USP13: variants seen among roughly 807,000 people sequenced by gnomAD.
The protein encoded by USP13 is ubiquitin carboxyl-terminal hydrolase 13.
A neutral mutation model predicts 107.8 loss-of-function variants in USP13; 68 were observed. That is an observed-to-expected ratio of 0.63 (90% confidence interval 0.52 to 0.77). The LOEUF (loss-of-function observed/expected upper bound fraction) is 0.77. USP13 is among the 30% of genes least tolerant of loss of function. The pLI is 0.00. For synonymous variants in USP13, 377 were observed against 389.5 expected, an observed-to-expected ratio of 0.97 and a Z score of 0.38; for missense variants, 945 against 1,093.3, an observed-to-expected ratio of 0.86 and a Z score of 1.91.
At chr3:179,780,234 A>G (rs939832372) in intron 19 of USP13, among the ~76,000 whole-genome samples, 5 of 152,230 alleles carry the variant, frequency 3.3e-5, no homozygotes, top group African/African-American at 9.6e-5. Context: ...TAGCCATTGC[A>G]GTTAGGCAAG....
At position 179,653,298 on chromosome 3, in the gene USP13, G is replaced by T; in HGVS notation, c.73G>T (p.Gly25Cys). 1.3e-6 allele frequency: 2 copies of T among 1,574,708 alleles called. No homozygotes were observed. The highest frequency in any genetic ancestry group is 1.7e-6 in the Non-Finnish European group (2 of 1,160,868). ...GGRKMAAGDI[G>C]ELLVPHMPTI... ...CAGGAAGATGGCTGCAGGAGACATC[G>T]GCGAGCTGCTAGTGCCCCACATGCC... Residue 25 changes from glycine (G) to cysteine (C), a missense_variant, in exon 1 of 21, where the codon GGC becomes TGC. Physicochemically the swap from Gly to Cys is radical, Grantham distance 159. Transcript: ENST00000263966. This position sits in a 1 kb window ranked among gnomAD's most constrained non-coding sequence, Gnocchi z 4.0.
At chr3:179,674,511 A>C (rs1720837918) in intron 1 of USP13, among the ~76,000 whole-genome samples, 11 of 152,182 alleles carry the variant, frequency 7.2e-5, no homozygotes. Context: ...ATAATGTTGC[A>C]GTATTTTCTT....
intron 6 of USP13, among the ~76,000 whole-genome samples, chr3:179,719,179 A>G (rs1713215918): frequency 6.6e-6 from 1 of 152,124 alleles, no homozygotes. Flanking sequence ...GCTTACCAAC[A>G]CTAGCGTCTC....
At position 179,784,727 on chromosome 3, in the gene USP13, A is replaced by G. The variant is rs1487368588; in HGVS notation, c.*586A>G. The G allele has an allele frequency of 6.6e-6, 1 of 152,264 alleles. No individual in the cohort carries two copies. Among genetic ancestry groups the G allele is most frequent in the Non-Finnish European group, 1.5e-5 (1 of 68,084 alleles). 9.4% of individuals were successfully genotyped at this position (152,264 alleles called of 1,614,324 possible). A position where few individuals can be genotyped will look rare whatever the true frequency, so the allele number is the denominator to read the frequency against. ...AATTTGTCACATTAAAATTCATAAT[A>G]CGATTGTGTGAATGTGTGTGAGACT... On this transcript the variant is annotated 3_prime_UTR_variant, in exon 21 of 21. Transcript: ENST00000263966.
intron 19 of USP13, among the ~76,000 whole-genome samples, chr3:179,772,681 T>C (rs115240781): frequency 8.3e-4 from 127 of 152,366 alleles, no homozygotes; most frequent in African/African-American, 3.0e-3. Context: ...TCAGCGGTGC[T>C]GTTGAAAGTT....
chr3:179,687,633 T>A (rs1368695502), intron 2 of USP13, among the ~76,000 whole-genome samples: 1 of 82,216 alleles, frequency 1.2e-5, no homozygotes, highest in African/African-American at 4.0e-5. Flanking sequence ...CACTCCAGCC[T>A]GGGCAACAAG....
chr3:179,760,178 C>T (rs934849644), intron 16 of USP13, among the ~76,000 whole-genome samples: 4 of 151,400 alleles, frequency 2.6e-5, no homozygotes, highest in Admixed American at 2.0e-4. Flanking sequence ...TACATACACA[C>T]AGATTTACAC....
chr3:179,723,214 C>T (rs201278559), intron 8 of USP13, among the ~76,000 whole-genome samples: 1 of 152,214 alleles, frequency 6.6e-6, no homozygotes, highest in East Asian at 1.9e-4. Context: ...ACATACCCTT[C>T]TCTTTCCTCC....
At chr3:179,760,473 C>T (rs1307243871) in intron 16 of USP13, among the ~76,000 whole-genome samples, 15 of 151,560 alleles carry the variant, frequency 9.9e-5, no homozygotes, top group African/African-American at 2.9e-4. Context: ...TTAGTAGAGA[C>T]GGGGTTTCAC....
chr3:179,685,582 G>T (rs1169951275), intron 2 of USP13, among the ~76,000 whole-genome samples: 1 of 150,220 alleles, frequency 6.7e-6, no homozygotes, highest in Non-Finnish European at 1.5e-5. Flanking sequence ...AATAATTCTT[G>T]TGAAGTCTGT....
At chr3:179,660,042 C>CA (rs910103077) in intron 1 of USP13, among the ~76,000 whole-genome samples, 5 of 151,908 alleles carry the variant, frequency 3.3e-5, no homozygotes, top group African/African-American at 1.2e-4. Flanking sequence ...GACTCTGTCT[C>CA]AAAAAACAAA....
At chr3:179,697,527 C>G (rs1157749549) in intron 3 of USP13, among the ~76,000 whole-genome samples, 1 of 152,130 alleles carries the variant, frequency 6.6e-6, no homozygotes, top group Non-Finnish European at 1.5e-5. Flanking sequence ...GGAGGATCAT[C>G]AAAGCAGAGT....
intron 6 of USP13, among the ~76,000 whole-genome samples, chr3:179,717,548 A>C (rs1483088938): frequency 6.6e-6 from 1 of 152,204 alleles, no homozygotes; most frequent in South Asian, 2.1e-4. Flanking sequence ...CAGTGGTTCA[A>C]TTCTGGCAGT....
chr3:179,725,662 G>C (rs1053823238), intron 8 of USP13, among the ~76,000 whole-genome samples: 2 of 152,140 alleles, frequency 1.3e-5, no homozygotes, highest in Admixed American at 6.5e-5. Flanking sequence ...TTGGTTATTG[G>C]TACTCAGTTA....
In USP13 at chr3:179,706,960, C is replaced by A. The variant is rs965224523; in HGVS notation, c.504C>A (p.Leu168=). ...TAACAATTGCTTGTGATGCAGTTCT[C>A]AGCTCAAAATCTCCATACAGAAAGC... ...ALVTIACDAV[L]SSKSPYRKQD... The change falls in exon 5 of 21, where the codon CTC becomes CTA. Residue 168 remains leucine (L), a synonymous_variant. Transcript: ENST00000263966. The A allele has an allele frequency of 1.9e-6, 3 of 1,613,982 alleles. No homozygotes were observed. The highest frequency in any genetic ancestry group is 2.5e-6 in the Non-Finnish European group (3 of 1,179,994).
Position 179,730,685 on chromosome 3 carries a change from A to T in USP13, c.1230A>T (p.Glu410Asp), listed in dbSNP as rs1713772582. Reference sequence around the variant, plus strand: ...CTCCGGTGAAATCTGAACTCATTGAACAGGTGATGAAGGAGGAGCACAAGG... The same window carrying T: ...CTCCGGTGAAATCTGAACTCATTGATCAGGTGATGAAGGAGGAGCACAAGG... ...SKPPVKSELIEQVMKEEHKPQ... is the reference protein window; with the variant it reads ...SKPPVKSELIDQVMKEEHKPQ... Residue 410 changes from glutamate to aspartate, a missense_variant, in exon 10 of 21, where the codon GAA becomes GAT. Transcript: ENST00000263966. 1 of 1,614,026 alleles carries T rather than the reference A, an allele frequency of 6.2e-7. No homozygotes were observed. The highest frequency in any genetic ancestry group is 1.7e-5 in the Admixed American group (1 of 60,008).
At chr3:179,681,753 AG>A (rs960949792) in intron 1 of USP13, 124 bp from the exon 2 acceptor site, 1 of 1,229,872 alleles carries the variant, frequency 8.1e-7, no homozygotes, top group Non-Finnish European at 1.1e-6. Flanking sequence ...GTATCACAGC[AG>A]GAGCCTCGGT....
chr3:179,663,870 C>T (rs1720518206), intron 1 of USP13, among the ~76,000 whole-genome samples: 1 of 152,194 alleles, frequency 6.6e-6, no homozygotes, highest in South Asian at 2.1e-4. Context: ...CCCTCATCCT[C>T]CTGGAAAAGC....
chr3:179,765,317 T>C (rs774726779), intron 18 of USP13, among the ~76,000 whole-genome samples: 2 of 152,232 alleles, frequency 1.3e-5, no homozygotes, highest in Admixed American at 6.5e-5. Flanking sequence ...GAAGGTAGTG[T>C]GTGCAATTAA....
Sources: allele counts gnomAD v4.1 joint callset (sites outside exome capture counted in the v4.1 genomes callset), GRCh38; gene constraint gnomAD v4.1.1; non-coding constraint Gnocchi (gnomAD v3.1); transcripts MANE v1.5; gene names NCBI Gene and HGNC (gene_info 2026-07-23, HGNC 2026-07-21).